The following EIF5B variants were observed in gnomAD, a reference collection of about 807,000 sequenced individuals.
EIF5B encodes eIF-5B.
EIF5B carries 47 observed loss-of-function variants against 147.5 expected under a neutral mutation model. The observed-to-expected ratio is 0.32, with a 90% CI of 0.25 to 0.41. The LOEUF is 0.41. EIF5B is among the 10% of genes least tolerant of loss of function. The probability of loss-of-function intolerance (pLI) is 1.00; values close to 1 mark genes in which losing one functional copy is unlikely to be tolerated. For missense variants in EIF5B, 1,064 were observed against 1,413.2 expected, an observed-to-expected ratio of 0.75 and a Z score of 3.96; for synonymous variants, 455 against 456.2, an observed-to-expected ratio of 1.00 and a Z score of 0.03.
At chr2:99,377,218 A>G (rs1295964699) in intron 10 of EIF5B, among the ~76,000 whole-genome samples, 2 of 152,074 alleles carry the variant, frequency 1.3e-5, no homozygotes, top group Non-Finnish European at 2.9e-5. Context: ...GCTAAAAACT[A>G]TTTTAGCTTT....
intron 18 of EIF5B, among the ~76,000 whole-genome samples, chr2:99,393,581 T>C (rs17022634): frequency 0.11 from 17,276 of 152,222 alleles, 1,287 homozygotes; most frequent in East Asian, 0.27. Flanking sequence ...CTTTGAGCCA[T>C]AGTTTGTTCA....
chr2:99,387,217 T>G (rs536650840), intron 14 of EIF5B, among the ~76,000 whole-genome samples: 103 of 152,282 alleles, frequency 6.8e-4, no homozygotes, highest in Non-Finnish European at 1.1e-3. Context: ...CCCAATTAAT[T>G]TTTTTACGAT....
In EIF5B at chr2:99,382,813, C is replaced by T. The variant is rs771422649; in HGVS notation, c.2163C>T (p.Asp721=). The T allele has an allele frequency of 1.9e-6, 3 of 1,611,568 alleles. No individual in the cohort carries two copies. In the South Asian group the frequency reaches 3.3e-5, roughly 18 times the overall value. Residue 721 remains aspartate, a synonymous_variant, in exon 14 of 24, where the codon GAC becomes GAT. Transcript: ENST00000289371. ...GAAATAGAGGAAGCTCTCTTTGTGACATTGCCATTTTAGTTGTTGATATTA... is the reference window on the plus strand; with the variant it reads ...GAAATAGAGGAAGCTCTCTTTGTGATATTGCCATTTTAGTTGTTGATATTA... ...NLRNRGSSLC[D]IAILVVDIMH...
chr2:99,389,861 T>TTCCG lies in EIF5B; in HGVS notation c.2403+15_2403+16insGTCC, dbSNP rs1360677768. The TTCCG allele has an allele frequency of 1.3e-6, 2 of 1,596,716 alleles. No individual in the cohort carries two copies. The highest frequency in any genetic ancestry group is 1.7e-6 in the Non-Finnish European group (2 of 1,175,254). The stretch of plus-strand genomic sequence containing the variant: ...AATTTGCACAGCAGGTAAGAAGGCC[T>TTCCG]TCCTTCTTTCTGAAGAGCCTATCTC... On this transcript the variant is annotated intron_variant, in intron 15 of 23. Transcript: ENST00000289371.
chr2:99,385,474 C>T (rs1432941016), intron 14 of EIF5B, among the ~76,000 whole-genome samples: 2 of 152,220 alleles, frequency 1.3e-5, no homozygotes, highest in African/African-American at 4.8e-5. Flanking sequence ...TAGCCATCAA[C>T]ATCGAGGCAA....
intron 9 of EIF5B, 61 bp downstream of exon 9, chr2:99,371,791 A>G: frequency 7.1e-7 from 1 of 1,414,078 alleles, no homozygotes; most frequent in Non-Finnish European, 9.6e-7. Flanking sequence ...AATGATATAT[A>G]TTTAAATGAA....
chr2:99,361,725 A>G lies in EIF5B; in HGVS notation c.824A>G (p.Lys275Arg). The part of the protein sequence containing the change: ...DQSKQKESQR[K>R]FEEETVKSKV... ...AGTAAACAAAAGGAATCTCAAAGGA[A>G]ATTTGAAGAAGAAACTGTAAAATCC... The change falls in exon 4 of 24, where the codon AAA becomes AGA. Residue 275 changes from lysine (K) to arginine (R), a missense_variant. Around this residue, in one of 4 missense-constraint regions of EIF5B, gnomAD observed 458 missense variants for 451.3 expected, o/e 1.01. Coordinates refer to ENST00000289371, the MANE Select transcript of EIF5B (RefSeq NM_015904.4). 6.3e-7 allele frequency: 1 copy of G among 1,596,380 alleles called. No individual in the cohort carries two copies. Among genetic ancestry groups the G allele is most frequent in the Non-Finnish European group, 8.5e-7 (1 of 1,175,924 alleles).
At chr2:99,342,201 G>T (rs920924385) in intron 1 of EIF5B, among the ~76,000 whole-genome samples, 1 of 151,668 alleles carries the variant, frequency 6.6e-6, no homozygotes, top group African/African-American at 2.4e-5. Flanking sequence ...GCATGTTAAT[G>T]TTCTTGATAT....
intron 1 of EIF5B, among the ~76,000 whole-genome samples, chr2:99,358,267 G>A (rs1674135956): frequency 6.6e-6 from 1 of 152,012 alleles, no homozygotes; most frequent in South Asian, 2.1e-4. Context: ...GGGTTTCATA[G>A]TGTTGGCCAG....
Position 99,361,632 on chromosome 2 carries a change from A to G in EIF5B, c.731A>G (p.Asp244Gly), listed in dbSNP as rs754894741. ...EKKERERKKR[D>G]EEKAKLRKLK... The stretch of plus-strand genomic sequence containing the variant: ...AAGGAGCGCGAGAGAAAAAAGCGAG[A>G]TGAAGAAAAAGCGAAACTGCGGAAG... Residue 244 changes from aspartate (D) to glycine (G), a missense_variant, in exon 4 of 24, where the codon GAT becomes GGT. By Grantham distance (94) the Asp-to-Gly change is moderately conservative. This residue lies in a region of EIF5B where 458 missense variants were observed against 451.3 expected (regional missense o/e 1.01). Coordinates refer to ENST00000289371, the MANE Select transcript of EIF5B (RefSeq NM_015904.4). 3 of 1,594,996 alleles carry G rather than the reference A, an allele frequency of 1.9e-6. No individual in the cohort carries two copies. The South Asian group carries it at 3.5e-5, about 19-fold the overall frequency.
rs149361812 is a variant in EIF5B, at chr2:99,391,668, A to T, written c.2748+963A>T. Among the ~76,000 whole-genome samples, 572 of 151,262 alleles carry T rather than the reference A, an allele frequency of 3.8e-3. 2 individuals carry two copies. Among genetic ancestry groups the T allele is most frequent in the Non-Finnish European group, 6.8e-3 (460 of 67,908 alleles). The stretch of plus-strand genomic sequence containing the variant: ...TGTGTCTAAGAGTACTTCCCTTAGA[A>T]GTGTCTGTAGACTTTATGTAGAAAT... On this transcript the variant is annotated intron_variant, in intron 17 of 23. Transcript: ENST00000289371.
intron 1 of EIF5B, among the ~76,000 whole-genome samples, chr2:99,348,831 C>G (rs939915026): frequency 2.6e-5 from 4 of 152,296 alleles, no homozygotes; most frequent in African/African-American, 7.2e-5. Flanking sequence ...TACCAACATG[C>G]TGTCCATTAC....
intron 12 of EIF5B, among the ~76,000 whole-genome samples, chr2:99,381,353 A>G (rs548922628): frequency 6.6e-6 from 1 of 152,196 alleles, no homozygotes; most frequent in Non-Finnish European, 1.5e-5. Flanking sequence ...TACTGTTAGT[A>G]TATAAGACAC....
Position 99,361,643 on chromosome 2 carries a change from G to A in EIF5B, c.742G>A (p.Ala248Thr), listed in dbSNP as rs1489595421. Residue 248 changes from alanine to threonine, a missense_variant, in exon 4 of 24, where the codon GCG becomes ACG. Around this residue, in one of 4 missense-constraint regions of EIF5B, gnomAD observed 458 missense variants for 451.3 expected, o/e 1.01. Coordinates refer to ENST00000289371, the MANE Select transcript of EIF5B (RefSeq NM_015904.4). ...RERKKRDEEK[A>T]KLRKLKEKEE... ...GAGAAAAAAGCGAGATGAAGAAAAA[G>A]CGAAACTGCGGAAGCTGAAAGAAAA... 8 of 1,596,192 alleles carry A rather than the reference G, an allele frequency of 5.0e-6. No homozygotes were observed. The highest frequency in any genetic ancestry group is 6.0e-6 in the Non-Finnish European group (7 of 1,175,892).
intron 10 of EIF5B, among the ~76,000 whole-genome samples, chr2:99,377,829 A>G (rs935478136): frequency 6.6e-6 from 1 of 152,142 alleles, no homozygotes; most frequent in Non-Finnish European, 1.5e-5. Context: ...ACCTTGCTAC[A>G]TATTATGATT....
chr2:99,396,324 G>A (rs1325249479), intron 21 of EIF5B, among the ~76,000 whole-genome samples: 1 of 152,166 alleles, frequency 6.6e-6, no homozygotes, highest in Non-Finnish European at 1.5e-5. Context: ...AGAAAAGGAG[G>A]GTGATAATAC....
At chr2:99,398,722 C>T in intron 22 of EIF5B, 26 bp from the exon 23 acceptor site, 1 of 1,593,650 alleles carries the variant, frequency 6.3e-7, no homozygotes, top group Admixed American at 1.8e-5. Context: ...CTTCTGCATG[C>T]ATTTTAATTT....
chr2:99,364,623 A>G (rs889399203), intron 6 of EIF5B, among the ~76,000 whole-genome samples: 1 of 152,264 alleles, frequency 6.6e-6, no homozygotes, highest in African/African-American at 2.4e-5. Context: ...AAAAATTTAT[A>G]TGTAAATGAT....
At chr2:99,341,866 C>T (rs1478028041) in intron 1 of EIF5B, among the ~76,000 whole-genome samples, 1 of 152,212 alleles carries the variant, frequency 6.6e-6, no homozygotes, top group Non-Finnish European at 1.5e-5. Flanking sequence ...TAGATCCTCA[C>T]ATTTGCTTAT....
Sources: allele counts gnomAD v4.1 joint callset (sites outside exome capture counted in the v4.1 genomes callset), GRCh38; gene constraint gnomAD v4.1.1; regional missense constraint gnomAD v4.1.1; transcripts MANE v1.5; gene names NCBI Gene and HGNC (gene_info 2026-07-23, HGNC 2026-07-21).